FAM13B: variants seen among roughly 807,000 people sequenced by gnomAD.
The protein encoded by FAM13B is family with sequence similarity 13 member B.
Under a neutral mutation model 117.3 loss-of-function variants are expected in FAM13B, and 60 were observed. The ratio of observed to expected loss-of-function variants is 0.51; its 90% CI spans 0.42 to 0.63. The LOEUF is 0.63. Ranked by LOEUF, FAM13B falls within the 30% of genes least tolerant of loss-of-function variation. The pLI is 0.00. For missense variants in FAM13B, 972 were observed against 1,091.9 expected (o/e 0.89, Z 1.55); for synonymous variants, 332 against 356.1 (o/e 0.93, Z 0.76).
Position 137,939,753 on chromosome 5 carries a change from T to A in FAM13B, c.*472A>T. 6.1e-6 allele frequency: 4 copies of A among 655,252 alleles called. No individual in the cohort carries two copies. Among genetic ancestry groups the A allele is most frequent in the Non-Finnish European group, 8.0e-6 (4 of 501,860 alleles). The allele number at this position is 655,252 out of a possible 1,614,324, so 40.6% of individuals were successfully genotyped here. ...TTTTCTAGGAAAACAGAGAACACAG[T>A]TGCGTATGTGCACTTTTATAGGCTT... On this transcript the variant is annotated 3_prime_UTR_variant, in exon 24 of 24. Coordinates refer to ENST00000689681, the MANE Select transcript of FAM13B (RefSeq NM_001385994.1).
rs1763298997 is a variant in FAM13B at position 137,945,957 on chromosome 5, T to C, written c.2285A>G (p.Asp762Gly). ...CATTTGTTTTACAAGCCTGTATCTA[T>C]CATAGAGAGGTTTAACAATGTGCCT... ...EERHIVKPLY[D>G]RYRLVKQMLT... Residue 762 changes from aspartate (D) to glycine (G), a missense_variant, in exon 20 of 24, where the codon GAT becomes GGT. Physicochemically the swap from Asp to Gly is moderately conservative, Grantham distance 94 (BLOSUM62 -1). Transcript: ENST00000689681. 1 of 1,613,618 alleles carries C rather than the reference T, an allele frequency of 6.2e-7. No individual in the cohort carries two copies. Among genetic ancestry groups the C allele is most frequent in the African/African-American group, 1.3e-5 (1 of 74,912 alleles).
In FAM13B at chr5:137,967,837, G is replaced by A. The variant is rs187671321; in HGVS notation, c.1180-5368C>T. ...GAGCCTGGGAGGCTGAGATTGCAGT[G>A]AGCTGTGATCATGCCACTGCACTGC... On this transcript the variant is annotated intron_variant, in intron 10 of 23. Coordinates refer to ENST00000689681, the MANE Select transcript of FAM13B (RefSeq NM_001385994.1). 5.1e-4 allele frequency among the ~76,000 whole-genome samples: 78 copies of A among 152,246 alleles called. No homozygotes were observed. The East Asian group carries it at 9.7e-3, about 19-fold the overall frequency.
intron 10 of FAM13B, among the ~76,000 whole-genome samples, chr5:137,963,191 G>C (rs908503082): frequency 3.3e-5 from 5 of 152,192 alleles, no homozygotes; most frequent in Non-Finnish European, 7.3e-5. Flanking sequence ...AAAAAAAGCT[G>C]TTAAAATACT....
Position 137,954,250 on chromosome 5 carries a change from C to T in FAM13B, c.1634G>A (p.Arg545His), listed in dbSNP as rs371205351. 50 of 1,613,826 alleles carry T rather than the reference C, an allele frequency of 3.1e-5. No individual in the cohort carries two copies. The highest frequency in any genetic ancestry group is 3.5e-5 in the Non-Finnish European group (41 of 1,179,966). The part of the protein sequence containing the change: ...EEDCPPVLSH[R>H]SLDFGQSQRF... The stretch of plus-strand genomic sequence containing the variant: ...CTGGCTTTGACCAAAATCTAAACTG[C>T]GGTGTGATAATACTGGAGGACAGTC... The change falls in exon 15 of 24, where the codon CGC (arginine) becomes CAC (histidine). Residue 545 changes from arginine to histidine, a missense_variant. Arg to His is a conservative substitution (Grantham distance 29). Transcript: ENST00000689681.
At chr5:138,021,245 A>G (rs980354761) in intron 1 of FAM13B, 48 bp from the exon 2 acceptor site, 2 of 1,197,254 alleles carry the variant, frequency 1.7e-6, no homozygotes, top group Admixed American at 8.5e-5. Flanking sequence ...TTTAACTGTC[A>G]GAAGAGACTA....
At chr5:137,972,084 AAG>A (rs1772359040) in intron 10 of FAM13B, among the ~76,000 whole-genome samples, 1 of 150,316 alleles carries the variant, frequency 6.7e-6, no homozygotes. Flanking sequence ...TCAACAGAAA[AAG>A]AGGGAATCCT....
chr5:138,046,424 G>A (rs938400268), intron 1 of FAM13B, among the ~76,000 whole-genome samples: 1 of 152,222 alleles, frequency 6.6e-6, no homozygotes, highest in African/African-American at 2.4e-5. Flanking sequence ...AGAGCCACAA[G>A]GCGAGCTTTG....
At chr5:137,974,273 T>C (rs1001844733) in intron 10 of FAM13B, among the ~76,000 whole-genome samples, 16 of 152,154 alleles carry the variant, frequency 1.1e-4, no homozygotes, top group African/African-American at 3.6e-4. Context: ...TACTATACTA[T>C]GCGCCATAAA....
At chr5:137,965,988 C>A (rs1769605364) in intron 10 of FAM13B, among the ~76,000 whole-genome samples, 1 of 151,636 alleles carries the variant, frequency 6.6e-6, no homozygotes, top group South Asian at 2.1e-4. Context: ...ACACTTTCAA[C>A]TCCCAAAATA....
chr5:138,006,655 C>T (rs1349667267), intron 7 of FAM13B, among the ~76,000 whole-genome samples: 1 of 152,178 alleles, frequency 6.6e-6, no homozygotes, highest in African/African-American at 2.4e-5. Flanking sequence ...AGCCTGGAAA[C>T]GGGATATACA....
chr5:137,986,757 C>T (rs1777344197), intron 9 of FAM13B, among the ~76,000 whole-genome samples: 1 of 152,162 alleles, frequency 6.6e-6, no homozygotes, highest in Admixed American at 6.5e-5. Flanking sequence ...AAAAGCCATT[C>T]ATTTGCTTAT....
chr5:138,006,001 C>T (rs958005791), intron 7 of FAM13B, among the ~76,000 whole-genome samples: 2 of 151,756 alleles, frequency 1.3e-5, no homozygotes, highest in African/African-American at 4.8e-5. Context: ...CGGGTTCATG[C>T]CATTCTCCTG....
At position 137,953,399 on chromosome 5, in the gene FAM13B, G is replaced by C. The variant is rs367757751; in HGVS notation, c.1785C>G (p.Val595=). The change falls in exon 16 of 24, where the codon GTC becomes GTG. Residue 595 remains valine, a synonymous_variant. Coordinates refer to ENST00000689681, the MANE Select transcript of FAM13B (RefSeq NM_001385994.1). The part of the protein sequence containing the change: ...KREDRTPYQL[V]KKLQKKIRQF... ...GTCTGATTTTCTTCTGAAGTTTCTT[G>C]ACCAGCTGATAAGGTGTTCTGTCCT... The C allele has an allele frequency of 6.2e-7, 1 of 1,613,714 alleles. No individual in the cohort carries two copies.
intron 1 of FAM13B, 105 bp downstream of exon 1, chr5:138,032,677 G>A: frequency 2.1e-6 from 2 of 966,442 alleles, no homozygotes; most frequent in Non-Finnish European, 2.5e-6. Context: ...ACGCCCGAGA[G>A]CAGGCGCGGG....
chr5:137,946,538 T>C (rs1258369839), intron 18 of FAM13B: 13 of 438,182 alleles, frequency 3.0e-5, no homozygotes, highest in Non-Finnish European at 5.2e-5. Flanking sequence ...ACCCCTTTGA[T>C]GGCTTTACAT....
chr5:138,030,715 C>CA (rs1168928299), intron 1 of FAM13B, among the ~76,000 whole-genome samples: 3 of 141,880 alleles, frequency 2.1e-5, no homozygotes, highest in South Asian at 2.4e-4. Context: ...ACTCCGTCCC[C>CA]CCCCCCCAAA....
intron 23 of FAM13B, among the ~76,000 whole-genome samples, chr5:137,941,545 AC>A (rs1404132738): frequency 6.6e-6 from 1 of 152,194 alleles, no homozygotes; most frequent in Non-Finnish European, 1.5e-5. Context: ...ACCTCAACAC[AC>A]AGTATGAACA....
At chr5:138,042,088 A>C (rs1791517056) in intron 1 of FAM13B, among the ~76,000 whole-genome samples, 1 of 152,128 alleles carries the variant, frequency 6.6e-6, no homozygotes, top group Admixed American at 6.6e-5. Context: ...ATATTGGTGA[A>C]AAAAATGGAA....
intron 1 of FAM13B, among the ~76,000 whole-genome samples, chr5:138,027,147 G>C (rs546197018): frequency 3.4e-4 from 51 of 152,058 alleles, no homozygotes; most frequent in African/African-American, 1.2e-3. Context: ...CCAAGAAAAA[G>C]TGCCACATTG....
Sources: gnomAD v4.1 joint callset for allele counts (sites outside exome capture counted in the v4.1 genomes callset) on GRCh38, gnomAD v4.1.1 for gene constraint, MANE v1.5 for transcripts, NCBI Gene and HGNC (gene_info 2026-07-23, HGNC 2026-07-21) for gene names.